WBP1L: variants seen among roughly 807,000 people sequenced by gnomAD.
WBP1L encodes WW domain binding protein 1-like.
A neutral mutation model predicts 33.7 loss-of-function variants in WBP1L; 17 were observed. The ratio of observed to expected loss-of-function variants is 0.50; its 90% CI spans 0.34 to 0.76. WBP1L has a LOEUF of 0.76. Ranked by LOEUF, WBP1L falls within the 30% of genes least tolerant of loss-of-function variation. The pLI is 0.01. For missense variants in WBP1L, 389 were observed against 469.4 expected (o/e 0.83, Z 1.58); for synonymous variants, 173 against 190.8 (o/e 0.91, Z 0.77).
At chr10:102,801,203 A>G (rs1286846801) in intron 2 of WBP1L, among the ~76,000 whole-genome samples, 1 of 152,186 alleles carries the variant, frequency 6.6e-6, no homozygotes, top group Non-Finnish European at 1.5e-5. Context: ...ATCCTGTTTA[A>G]TAGGGGCAGT....
chr10:102,790,634 C>A (rs771564663), intron 1 of WBP1L, among the ~76,000 whole-genome samples: 7 of 152,156 alleles, frequency 4.6e-5, no homozygotes, highest in Admixed American at 2.0e-4. Context: ...CCTCAGCGTC[C>A]GGAGTAGCTG....
chr10:102,744,219 T>C, intron 1 of WBP1L, 76 bp downstream of exon 1: 7 of 1,416,822 alleles, frequency 4.9e-6, no homozygotes, highest in Non-Finnish European at 6.6e-6. Flanking sequence ...TCTGAAGGAG[T>C]GTTGTTGCCA....
At position 102,799,669 on chromosome 10, in the gene WBP1L, C is replaced by T. The variant is rs1843624322; in HGVS notation, c.193+1574C>T. Among the ~76,000 whole-genome samples, 4 of 152,210 alleles carry T rather than the reference C, an allele frequency of 2.6e-5. No homozygotes were observed. The South Asian group carries it at 8.3e-4, about 32-fold the overall frequency. On this transcript the variant is annotated intron_variant, in intron 2 of 3. Transcript: ENST00000448841. The stretch of plus-strand genomic sequence containing the variant: ...CCCAGATGATTCTAAGCCCTCATCA[C>T]TGCCTCCATTTGGAAACAGACTTCG...
rs115434861 is a variant in WBP1L, at chr10:102,787,232, G to A, written c.91-10761G>A. Among the ~76,000 whole-genome samples the A allele has an allele frequency of 7.9e-3, 1,203 of 152,300 alleles. 11 individuals are homozygous for A. Among genetic ancestry groups the A allele is most frequent in the African/African-American group, 0.028 (1,153 of 41,572 alleles). ...TTTAGCCAAAGCTTATGGAATAATT[G>A]TCAGGTGTGGTATATACTAGAAAGG... On this transcript the variant is annotated intron_variant, in intron 1 of 3. Transcript: ENST00000448841.
intron 2 of WBP1L, 65 bp downstream of exon 2, chr10:102,798,160 A>G: frequency 7.1e-7 from 1 of 1,416,386 alleles, no homozygotes; most frequent in Non-Finnish European, 1.0e-6. Context: ...GCTTAGTGGG[A>G]AACTCTGGGC....
intron 1 of WBP1L, among the ~76,000 whole-genome samples, chr10:102,778,481 G>C (rs571426777): frequency 6.6e-6 from 1 of 152,336 alleles, no homozygotes; most frequent in East Asian, 1.9e-4. Context: ...ACTCTTCAAG[G>C]AGAGTGAAGG....
At chr10:102,745,444 A>G (rs1351656970) in intron 1 of WBP1L, among the ~76,000 whole-genome samples, 2 of 152,144 alleles carry the variant, frequency 1.3e-5, no homozygotes, top group African/African-American at 4.8e-5. Context: ...CGTCCCTACT[A>G]AGCAGTTACT....
chr10:102,748,662 T>C (rs927307324), intron 1 of WBP1L, among the ~76,000 whole-genome samples: 13 of 152,202 alleles, frequency 8.5e-5, no homozygotes, highest in African/African-American at 1.4e-4. Flanking sequence ...TGCTAGGCCC[T>C]GGGAACCATC....
rs373560289 is a variant in WBP1L at position 102,770,881 on chromosome 10, T to G, written c.90+26738T>G. Among the ~76,000 whole-genome samples the G allele has an allele frequency of 5.9e-5, 9 of 152,350 alleles. No homozygotes were observed. The South Asian group carries it at 1.9e-3, about 32-fold the overall frequency. ...TCCTTGTTTGTAACTTCTGATATTCTAATAGCTGACGCCTGTGTGTTCATA... is the reference window on the plus strand; with the variant it reads ...TCCTTGTTTGTAACTTCTGATATTCGAATAGCTGACGCCTGTGTGTTCATA... On this transcript the variant is annotated intron_variant, in intron 1 of 3. Transcript: ENST00000448841.
chr10:102,794,854 C>CA (rs1843552977), intron 1 of WBP1L, among the ~76,000 whole-genome samples: 1 of 152,204 alleles, frequency 6.6e-6, no homozygotes, highest in African/African-American at 2.4e-5. Flanking sequence ...TGAAGGAACT[C>CA]ACTTTGGCAC....
chr10:102,772,728 C>T (rs141742516), intron 1 of WBP1L, among the ~76,000 whole-genome samples: 18,087 of 150,742 alleles, frequency 0.12, 1,430 homozygotes, highest in Middle Eastern at 0.19. Context: ...TGCCACCATG[C>T]CCAGCTAATT....
At chr10:102,794,928 G>A (rs972447155) in intron 1 of WBP1L, among the ~76,000 whole-genome samples, 4 of 151,830 alleles carry the variant, frequency 2.6e-5, no homozygotes, top group Non-Finnish European at 2.9e-5. Context: ...ACCTTCTTTC[G>A]TACCGCTGCA....
chr10:102,813,114 C>T lies in WBP1L; in HGVS notation c.875C>T (p.Thr292Ile), dbSNP rs1042393845. Residue 292 changes from threonine to isoleucine, a missense_variant, in exon 4 of 4, where the codon ACA becomes ATA. Thr to Ile is a moderately conservative substitution (Grantham distance 89). Transcript: ENST00000448841. ...GACGATGACCTCAAAGAGTTCAACA[C>T]ACTCATCGATGATGCTCTGGATGGG... ...HHDDDLKEFN[T>I]LIDDALDGPL... 3 of 1,614,008 alleles carry T rather than the reference C, an allele frequency of 1.9e-6. No individual in the cohort carries two copies. Among genetic ancestry groups the T allele is most frequent in the South Asian group, 1.1e-5 (1 of 91,082 alleles).
At chr10:102,797,628 C>G (rs1843592008) in intron 1 of WBP1L, among the ~76,000 whole-genome samples, 1 of 152,102 alleles carries the variant, frequency 6.6e-6, no homozygotes, top group Non-Finnish European at 1.5e-5. Flanking sequence ...TCTTGGCTCA[C>G]TGCAATCTCT....
chr10:102,787,682 T>C (rs1843435624), intron 1 of WBP1L, among the ~76,000 whole-genome samples: 1 of 152,174 alleles, frequency 6.6e-6, no homozygotes, highest in Non-Finnish European at 1.5e-5. Flanking sequence ...TTGAGCTTAC[T>C]TTCTTCATCC....
intron 2 of WBP1L, among the ~76,000 whole-genome samples, chr10:102,799,534 G>C (rs573158749): frequency 1.3e-3 from 194 of 152,250 alleles, no homozygotes; most frequent in African/African-American, 4.3e-3. Flanking sequence ...GCTGGACAAA[G>C]AATGAGAGGG....
At chr10:102,770,055 C>T (rs1268456731) in intron 1 of WBP1L, among the ~76,000 whole-genome samples, 1 of 152,216 alleles carries the variant, frequency 6.6e-6, no homozygotes, top group Non-Finnish European at 1.5e-5. Flanking sequence ...TGGTTTCTAG[C>T]AGTTAAGCAA....
chr10:102,809,403 G>C (rs978550031), intron 2 of WBP1L, among the ~76,000 whole-genome samples: 1 of 145,204 alleles, frequency 6.9e-6, no homozygotes, highest in Non-Finnish European at 1.5e-5. Context: ...ACAGAGTCTT[G>C]CTCTGTCGCC....
intron 2 of WBP1L, among the ~76,000 whole-genome samples, chr10:102,802,761 G>A (rs1382192005): frequency 6.6e-6 from 1 of 152,136 alleles, no homozygotes; most frequent in Non-Finnish European, 1.5e-5. Context: ...CTCCCAAAGT[G>A]CTGGGATTAC....
Sources: gnomAD v4.1 joint callset for allele counts (sites outside exome capture counted in the v4.1 genomes callset) on GRCh38, gnomAD v4.1.1 for gene constraint, MANE v1.5 for transcripts, NCBI Gene and HGNC (gene_info 2026-07-23, HGNC 2026-07-21) for gene names.